PTPRD: variants seen among roughly 807,000 people sequenced by gnomAD.
PTPRD encodes the protein receptor-type tyrosine-protein phosphatase delta.
Under a neutral mutation model 214.5 loss-of-function variants are expected in PTPRD, and 34 were observed. The ratio of observed to expected loss-of-function variants is 0.16; its 90% CI spans 0.12 to 0.21. The LOEUF (loss-of-function observed/expected upper bound fraction) is 0.21. Ranked by LOEUF, PTPRD falls within the 10% of genes least tolerant of loss-of-function variation. The pLI is 1.00. For synonymous variants in PTPRD, 1,128 were observed against 845.7 expected (o/e 1.33, Z -5.79); for missense variants, 2,545 against 2,398.7 (o/e 1.06, Z -1.27).
intron 3 of PTPRD, among the ~76,000 whole-genome samples, chr9:10,300,330 C>G (rs2095822743): frequency 1.3e-5 from 2 of 152,100 alleles, no homozygotes; most frequent in Admixed American, 6.5e-5. Flanking sequence ...GAAAACTGGG[C>G]AGCCATTTGG....
At chr9:9,275,867 A>G (rs757654349) in intron 9 of PTPRD, among the ~76,000 whole-genome samples, 2 of 150,246 alleles carry the variant, frequency 1.3e-5, no homozygotes, top group Non-Finnish European at 3.0e-5. Context: ...GTGTTTCTAT[A>G]AAAGAAGGAT....
At chr9:10,362,035 G>A (rs1346094102) in intron 2 of PTPRD, among the ~76,000 whole-genome samples, 1 of 152,142 alleles carries the variant, frequency 6.6e-6, no homozygotes, top group Non-Finnish European at 1.5e-5. Context: ...GACAGAATCT[G>A]GAGAATGGGG....
At chr9:8,705,415 A>G (rs1395140901) in intron 12 of PTPRD, among the ~76,000 whole-genome samples, 2 of 152,188 alleles carry the variant, frequency 1.3e-5, no homozygotes, top group South Asian at 2.1e-4. Context: ...TTTTGAAACA[A>G]AAGTATTCTA....
intron 9 of PTPRD, among the ~76,000 whole-genome samples, chr9:9,334,783 C>A (rs1037327657): frequency 6.6e-6 from 1 of 151,812 alleles, no homozygotes; most frequent in Non-Finnish European, 1.5e-5. Flanking sequence ...CTCATCCCAA[C>A]CATGTTGCTT....
intron 5 of PTPRD, among the ~76,000 whole-genome samples, chr9:9,936,383 A>G (rs891495793): frequency 7.2e-5 from 11 of 151,960 alleles, no homozygotes; most frequent in African/African-American, 2.4e-4. Flanking sequence ...AATTTACAAG[A>G]AAAAAACAAC....
intron 10 of PTPRD, among the ~76,000 whole-genome samples, chr9:9,083,552 G>C (rs1030129798): frequency 6.6e-6 from 1 of 152,028 alleles, no homozygotes; most frequent in Non-Finnish European, 1.5e-5. Context: ...ATTGACAGAT[G>C]GGATCTAATT....
intron 4 of PTPRD, among the ~76,000 whole-genome samples, chr9:9,991,416 CA>C (rs1223188784): frequency 2.6e-5 from 4 of 151,266 alleles, no homozygotes; most frequent in African/African-American, 4.9e-5. Flanking sequence ...GGCTGGAGTG[CA>C]ATGTTGTGAT....
intron 5 of PTPRD, among the ~76,000 whole-genome samples, chr9:9,851,565 TA>T (rs1398720556): frequency 6.6e-6 from 1 of 152,230 alleles, no homozygotes; most frequent in Non-Finnish European, 1.5e-5. Flanking sequence ...GGTGTAAATA[TA>T]AAGTTAGTGC....
chr9:10,449,229 C>T (rs898715445), intron 2 of PTPRD, among the ~76,000 whole-genome samples: 12 of 151,786 alleles, frequency 7.9e-5, no homozygotes, highest in African/African-American at 1.5e-4. Flanking sequence ...TTGGTGGAGA[C>T]GAGGTTTCGC....
At chr9:9,126,074 G>C (rs76062448) in intron 10 of PTPRD, among the ~76,000 whole-genome samples, 2 of 152,168 alleles carry the variant, frequency 1.3e-5, no homozygotes, top group African/African-American at 4.8e-5. Context: ...GATTTACCCT[G>C]TTGGTGGTGC....
At chr9:10,215,613 A>G (rs140782038) in intron 3 of PTPRD, among the ~76,000 whole-genome samples, 181 of 152,166 alleles carry the variant, frequency 1.2e-3, no homozygotes, top group African/African-American at 4.2e-3. Flanking sequence ...TGCTACATGG[A>G]CACACCATAT....
At chr9:8,686,042 A>G in intron 12 of PTPRD, among the ~76,000 whole-genome samples, 1 of 152,086 alleles carries the variant, frequency 6.6e-6, no homozygotes, top group East Asian at 1.9e-4. Flanking sequence ...ATGCTAAGGG[A>G]CTCTCCTAAG....
chr9:9,956,517 CATA>C (rs774991831), intron 4 of PTPRD, among the ~76,000 whole-genome samples: 1 of 151,890 alleles, frequency 6.6e-6, no homozygotes, highest in Non-Finnish European at 1.5e-5. Context: ...GAGAGAAACC[CATA>C]ATATTAAAAA....
At chr9:8,649,478 C>G (rs2096761827) in intron 12 of PTPRD, among the ~76,000 whole-genome samples, 1 of 152,252 alleles carries the variant, frequency 6.6e-6, no homozygotes, top group African/African-American at 2.4e-5. Context: ...AAAGTAGCTA[C>G]TATATCCCCA....
chr9:8,343,292 C>T (rs933983870), intron 39 of PTPRD, among the ~76,000 whole-genome samples: 2 of 151,984 alleles, frequency 1.3e-5, no homozygotes, highest in African/African-American at 2.4e-5. Context: ...AAATAGGTTA[C>T]TTTTTTATGT....
intron 3 of PTPRD, among the ~76,000 whole-genome samples, chr9:10,130,291 G>A (rs2154257232): frequency 6.6e-6 from 1 of 151,252 alleles, no homozygotes; most frequent in South Asian, 2.1e-4. Flanking sequence ...ATCTATGACT[G>A]TTTTCAAAGA....
intron 5 of PTPRD, among the ~76,000 whole-genome samples, chr9:9,809,260 A>T (rs908263459): frequency 7.4e-5 from 11 of 148,152 alleles, no homozygotes; most frequent in Non-Finnish European, 1.5e-5. Context: ...CTTAGCCACA[A>T]GAGATTTTTT....
chr9:10,438,616 GTTA>G (rs1432287900), intron 2 of PTPRD, among the ~76,000 whole-genome samples: 2 of 151,536 alleles, frequency 1.3e-5, no homozygotes, highest in Non-Finnish European at 2.9e-5. Context: ...TTTTTAATGA[GTTA>G]TTATCTCTAT....
chr9:9,848,614 G>T (rs1264853299), intron 5 of PTPRD, among the ~76,000 whole-genome samples: 2 of 152,082 alleles, frequency 1.3e-5, no homozygotes, highest in Non-Finnish European at 2.9e-5. Flanking sequence ...ACCCCAGAAA[G>T]CTGTGCCTTC....
Sources: gnomAD v4.1 joint callset for allele counts (sites outside exome capture counted in the v4.1 genomes callset) on GRCh38, gnomAD v4.1.1 for gene constraint, MANE v1.5 for transcripts, NCBI Gene and HGNC (gene_info 2026-07-23, HGNC 2026-07-21) for gene names.